Variants in FAM81A observed in about 807,000 individuals in gnomAD.
FAM81A encodes protein FAM81A.
In FAM81A, 19 loss-of-function variants were observed where a neutral mutation model predicts 46.7. The ratio of observed to expected loss-of-function variants is 0.41; its 90% confidence interval spans 0.28 to 0.60. FAM81A has a LOEUF of 0.60. Ranked by LOEUF, FAM81A falls within the 20% of genes least tolerant of loss-of-function variation. The pLI is 0.34. For missense variants in FAM81A, 377 were observed against 453.5 expected, an observed-to-expected ratio of 0.83 and a Z score of 1.53; for synonymous variants, 183 against 152.9, an observed-to-expected ratio of 1.20 and a Z score of -1.45.
At chr15:59,516,603 C>A (rs1486001606) in intron 7 of FAM81A, 42 bp from the exon 8 acceptor site, 3 of 1,575,546 alleles carry the variant, frequency 1.9e-6, no homozygotes, top group Non-Finnish European at 8.6e-7. Flanking sequence ...ATGCAGATTT[C>A]TTTTTGGAGT....
At chr15:59,521,219 T>A (rs757080168) in intron 8 of FAM81A, 35 bp from the exon 9 acceptor site, 1 of 1,585,874 alleles carries the variant, frequency 6.3e-7, no homozygotes, top group East Asian at 2.3e-5. Flanking sequence ...TTTAAAAAAA[T>A]TGTTAACTGT....
upstream of FAM81A, among the ~76,000 whole-genome samples, chr15:59,435,252 A>C (rs1366925079): frequency 6.7e-6 from 1 of 150,312 alleles, no homozygotes; most frequent in African/African-American, 2.5e-5. Flanking sequence ...ACGCCACTGC[A>C]CTCCAGCCTG....
chr15:59,494,455 C>G (rs1268799635), intron 4 of FAM81A, among the ~76,000 whole-genome samples: 1 of 152,138 alleles, frequency 6.6e-6, no homozygotes, highest in African/African-American at 2.4e-5. Flanking sequence ...GTGGCATTGT[C>G]CTTATGATGC....
At chr15:59,459,504 C>T (rs1044157754) in intron 2 of FAM81A, among the ~76,000 whole-genome samples, 1 of 152,128 alleles carries the variant, frequency 6.6e-6, no homozygotes, top group Non-Finnish European at 1.5e-5. Flanking sequence ...CCTGACACTC[C>T]CTATTGCCTC....
chr15:59,481,543 ATTTATTTTCTAT>A (rs1325807719), intron 3 of FAM81A, among the ~76,000 whole-genome samples: 1 of 151,984 alleles, frequency 6.6e-6, no homozygotes, highest in Non-Finnish European at 1.5e-5. Context: ...CATGCTCCAT[ATTTATTTTCTAT>A]GCTTTCTTTT....
At chr15:59,439,093 T>G (rs1401898747) in intron 1 of FAM81A, 1 of 150,142 alleles carries the variant, frequency 6.7e-6, no homozygotes, top group Non-Finnish European at 1.5e-5. Flanking sequence ...GTGCACGAGG[T>G]TTATGTGTGT....
chr15:59,428,264 C>CT, intron 2 of FAM81A, among the ~76,000 whole-genome samples: 1 of 152,146 alleles, frequency 6.6e-6, no homozygotes, highest in Non-Finnish European at 1.5e-5. Flanking sequence ...GATATTTTTC[C>CT]TATAGAGTTG....
At chr15:59,521,122 A>G (rs187395933) in intron 8 of FAM81A, 132 bp from the exon 9 acceptor site, 73 of 1,009,126 alleles carry the variant, frequency 7.2e-5, no homozygotes, top group Non-Finnish European at 9.7e-5. Flanking sequence ...GTTCCCCATC[A>G]TACTTTCATC....
intron 2 of FAM81A, among the ~76,000 whole-genome samples, chr15:59,416,679 T>TA (rs2081148146): frequency 6.6e-6 from 1 of 152,072 alleles, no homozygotes; most frequent in Non-Finnish European, 1.5e-5. Context: ...CACCCACACA[T>TA]ACGACAAAGA....
chr15:59,413,600 C>G (rs939906330), intron 2 of FAM81A, among the ~76,000 whole-genome samples: 1 of 152,150 alleles, frequency 6.6e-6, no homozygotes. Context: ...AAGCCATTAT[C>G]TGCTGTTCCT....
intron 3 of FAM81A, among the ~76,000 whole-genome samples, chr15:59,463,116 T>C (rs2081572301): frequency 6.6e-6 from 1 of 152,228 alleles, no homozygotes; most frequent in African/African-American, 2.4e-5. Context: ...AAAGATTTTC[T>C]CCTATGTTTA....
At chr15:59,501,902 C>T (rs2082094582) in intron 4 of FAM81A, among the ~76,000 whole-genome samples, 1 of 151,966 alleles carries the variant, frequency 6.6e-6, no homozygotes, top group Non-Finnish European at 1.5e-5. Context: ...ATATTAGAGC[C>T]CTGAGGCTGT....
chr15:59,516,746 A>T lies in FAM81A; in HGVS notation c.888A>T (p.Thr296=), dbSNP rs2082271888. ...GQKKTFDGQR[T]RQEEEKMHGR... is the part of the protein sequence containing the mutation. Reference sequence around the variant, plus strand: ...AGAAGACTTTTGATGGTCAGAGAACAAGGCAAGAAGAGGAGAAGATGCACG... The same window carrying T: ...AGAAGACTTTTGATGGTCAGAGAACTAGGCAAGAAGAGGAGAAGATGCACG... The change falls in exon 8 of 9, where the codon ACA becomes ACT. Residue 296 remains threonine (T), a synonymous_variant. Transcript: ENST00000288228. 1 of 1,613,758 alleles carries T rather than the reference A, an allele frequency of 6.2e-7. No homozygotes were observed. The highest frequency in any genetic ancestry group is 8.5e-7 in the Non-Finnish European group (1 of 1,179,806).
chr15:59,416,816 T>G (rs2081148742), intron 2 of FAM81A, among the ~76,000 whole-genome samples: 1 of 152,234 alleles, frequency 6.6e-6, no homozygotes, highest in African/African-American at 2.4e-5. Flanking sequence ...CAAAGGGTGC[T>G]GGAACCATTC....
chr15:59,513,383 G>T (rs533318060), intron 6 of FAM81A, among the ~76,000 whole-genome samples: 1 of 152,296 alleles, frequency 6.6e-6, no homozygotes, highest in African/African-American at 2.4e-5. Flanking sequence ...GAGAGACACT[G>T]TGTCCTCTGA....
At chr15:59,446,844 C>T (rs142881807) in intron 1 of FAM81A, among the ~76,000 whole-genome samples, 3 of 152,272 alleles carry the variant, frequency 2.0e-5, no homozygotes, top group East Asian at 3.9e-4. Flanking sequence ...TCTGTGCCCA[C>T]AAGGAAATGA....
intron 4 of FAM81A, among the ~76,000 whole-genome samples, chr15:59,495,051 T>G (rs928104058): frequency 1.3e-5 from 2 of 152,204 alleles, no homozygotes; most frequent in Non-Finnish European, 2.9e-5. Context: ...GAGATCTAAC[T>G]ATATAAGTCA....
At chr15:59,509,387 C>T (rs1243379459) in intron 6 of FAM81A, among the ~76,000 whole-genome samples, 1 of 152,004 alleles carries the variant, frequency 6.6e-6, no homozygotes, top group African/African-American at 2.4e-5. Flanking sequence ...AATAATGGTC[C>T]TCTAAACATC....
At chr15:59,423,528 A>G (rs2081183674) in intron 2 of FAM81A, among the ~76,000 whole-genome samples, 1 of 152,236 alleles carries the variant, frequency 6.6e-6, no homozygotes, top group African/African-American at 2.4e-5. Context: ...ATCTGACTCC[A>G]AGACTTGACC....
Sources: allele counts gnomAD v4.1 joint callset (sites outside exome capture counted in the v4.1 genomes callset), GRCh38; gene constraint gnomAD v4.1.1; transcripts MANE v1.5; gene names NCBI Gene and HGNC (gene_info 2026-07-23, HGNC 2026-07-21).